The following NT5E variants were observed in gnomAD, a reference collection of about 807,000 sequenced individuals.
NT5E encodes 5'-nucleotidase ecto.
A neutral mutation model predicts 55.1 loss-of-function variants in NT5E; 53 were observed. The ratio of observed to expected loss-of-function variants is 0.96; its 90% CI spans 0.77 to 1.21. NT5E has a LOEUF of 1.21. Among genes scored for constraint, NT5E ranks in the 50% most tolerant of loss-of-function variants. The pLI, the probability that NT5E is intolerant of heterozygous loss-of-function variation, is 0.00. For missense variants in NT5E, 683 were observed against 724.3 expected, an observed-to-expected ratio of 0.94 and a Z score of 0.65; for synonymous variants, 270 against 278.4, an observed-to-expected ratio of 0.97 and a Z score of 0.30.
chr6:85,475,135 T>C (rs1582379320), intron 3 of NT5E, among the ~76,000 whole-genome samples: 1 of 152,358 alleles, frequency 6.6e-6, no homozygotes. Context: ...AATACATCCC[T>C]TGGAATTTTA....
chr6:85,463,152 T>C (rs1338942542), intron 1 of NT5E, among the ~76,000 whole-genome samples: 3 of 152,226 alleles, frequency 2.0e-5, no homozygotes, highest in African/African-American at 7.2e-5. Context: ...GTGGACCAGA[T>C]GCTCACATTG....
At chr6:85,461,855 G>A (rs768344296) in intron 1 of NT5E, among the ~76,000 whole-genome samples, 2 of 151,972 alleles carry the variant, frequency 1.3e-5, no homozygotes, top group African/African-American at 4.8e-5. Context: ...AGAGACTGGG[G>A]GTAACTGCTC....
rs917980360 is a variant in NT5E, at chr6:85,489,577, G to A, written c.1188G>A (p.Ser396=). The A allele has an allele frequency of 2.4e-5, 38 of 1,613,268 alleles. No individual in the cohort carries two copies. The highest frequency in any genetic ancestry group is 3.3e-4 in the Middle Eastern group (2 of 6,080). Residue 396 remains serine, a synonymous_variant, in exon 6 of 9, where the codon TCG becomes TCA. Coordinates refer to ENST00000257770, the MANE Select transcript of NT5E (RefSeq NM_002526.4). ...TTTTAAATGGAGGTGGTATCCGGTCGCCCATTGATGAACGCAACAATGGTA... is the reference window on the plus strand; with the variant it reads ...TTTTAAATGGAGGTGGTATCCGGTCACCCATTGATGAACGCAACAATGGTA... ...MCILNGGGIR[S]PIDERNNGTI... is the part of the protein sequence containing the mutation.
At chr6:85,491,949 G>T (rs760047942) in intron 7 of NT5E, 28 bp from the exon 8 acceptor site, 1 of 1,602,888 alleles carries the variant, frequency 6.2e-7, no homozygotes, top group East Asian at 2.2e-5. Context: ...CTTTGGATCT[G>T]GTGAAAACAG....
chr6:85,457,399 T>C (rs73751208), intron 1 of NT5E, among the ~76,000 whole-genome samples: 157 of 152,336 alleles, frequency 1.0e-3, no homozygotes, highest in African/African-American at 3.6e-3. Context: ...TACTGCATGT[T>C]ACTTCTCAGC....
In NT5E at chr6:85,460,371, C is replaced by T. The variant is rs866992418; in HGVS notation, c.340-6689C>T. Among the ~76,000 whole-genome samples, 8 of 152,256 alleles carry T rather than the reference C, an allele frequency of 5.3e-5. No homozygotes were observed. The South Asian group carries it at 1.0e-3, about 20-fold the overall frequency. Reference sequence around the variant, plus strand: ...GTTACTGTCAATCAACTAGAGATGGCGCTCAAGATAAAATTATTTTCCATC... The same window carrying T: ...GTTACTGTCAATCAACTAGAGATGGTGCTCAAGATAAAATTATTTTCCATC... On this transcript the variant is annotated intron_variant, in intron 1 of 8. Transcript: ENST00000257770.
In NT5E at chr6:85,467,722, C is replaced by T. The variant is rs989188883; in HGVS notation, c.562+440C>T. Reference sequence around the variant, plus strand: ...ACATGTCCAGCTAACTCACCTTTCTCGCTTTTCATTATTCATCTCGTTTTA... The same window carrying T: ...ACATGTCCAGCTAACTCACCTTTCTTGCTTTTCATTATTCATCTCGTTTTA... On this transcript the variant is annotated intron_variant, in intron 2 of 8. Transcript: ENST00000257770. 2.6e-5 allele frequency among the ~76,000 whole-genome samples: 4 copies of T among 152,184 alleles called. No individual in the cohort carries two copies. In the East Asian group the frequency reaches 5.8e-4, roughly 22 times the overall value.
intron 3 of NT5E, among the ~76,000 whole-genome samples, chr6:85,478,510 A>G (rs1769479312): frequency 6.6e-6 from 1 of 152,124 alleles, no homozygotes; most frequent in African/African-American, 2.4e-5. Context: ...GGGGTTTTCG[A>G]AAGTGCTTTA....
In NT5E at chr6:85,450,179, C is replaced by A; in HGVS notation, c.40C>A (p.Leu14Ile). The stretch of plus-strand genomic sequence containing the variant: ...CGCGCGGGCGCCCGCGACGCTACTC[C>A]TCGCCCTGGGCGCGGTGCTGTGGCC... ...RAARAPATLL[L>I]ALGAVLWPAA... The change falls in exon 1 of 9, where the codon CTC (leucine) becomes ATC (isoleucine). Residue 14 changes from leucine to isoleucine, a missense_variant. Leu to Ile is a conservative substitution (Grantham distance 5, BLOSUM62 2). Transcript: ENST00000257770. The surrounding 1 kb of genome is among the most constrained non-coding windows in gnomAD (Gnocchi z 4.0). 2.5e-6 allele frequency: 4 copies of A among 1,605,708 alleles called. No homozygotes were observed. Among genetic ancestry groups the A allele is most frequent in the Non-Finnish European group, 3.4e-6 (4 of 1,177,422 alleles).
intron 3 of NT5E, among the ~76,000 whole-genome samples, chr6:85,480,557 C>G (rs145452322): frequency 6.6e-6 from 1 of 152,158 alleles, no homozygotes; most frequent in Non-Finnish European, 1.5e-5. Context: ...GAAGCAGAGA[C>G]AGCAGCCAGG....
chr6:85,458,243 C>G (rs745699535), intron 1 of NT5E, among the ~76,000 whole-genome samples: 4 of 152,072 alleles, frequency 2.6e-5, no homozygotes, highest in Non-Finnish European at 4.4e-5. Context: ...CAACAACAAC[C>G]AAAAAAGTAA....
intron 1 of NT5E, among the ~76,000 whole-genome samples, chr6:85,457,239 C>G (rs1769007909): frequency 6.6e-6 from 1 of 152,192 alleles, no homozygotes; most frequent in South Asian, 2.1e-4. Context: ...TTGGACTGTA[C>G]AGGGCTGTGG....
At position 85,487,088 on chromosome 6, in the gene NT5E, CTCATA is replaced by C. The variant is rs576401857; in HGVS notation, c.950-246_950-242del. ...CTGTCCCAGGTGGGCCAATGGGTAGCTCATACAGATGTGATGAGCTGGTAGATGTT... is the reference window on the plus strand; with the variant it reads ...CTGTCCCAGGTGGGCCAATGGGTAGCCAGATGTGATGAGCTGGTAGATGTT... On this transcript the variant is annotated intron_variant, in intron 4 of 8. Coordinates refer to ENST00000257770, the MANE Select transcript of NT5E (RefSeq NM_002526.4). 3.8e-3 allele frequency among the ~76,000 whole-genome samples: 579 copies of C among 152,280 alleles called. 2 individuals carry two copies. The highest frequency in any genetic ancestry group is 0.013 in the African/African-American group (552 of 41,552).
intron 2 of NT5E, among the ~76,000 whole-genome samples, chr6:85,470,826 T>A (rs773924787): frequency 4.6e-5 from 7 of 152,244 alleles, no homozygotes; most frequent in Non-Finnish European, 8.8e-5. Context: ...CAGTTTTAAG[T>A]TTGAACACTG....
Position 85,473,593 on chromosome 6 carries a change from A to C in NT5E, c.751+2168A>C, listed in dbSNP as rs1464700676. ...AGACAGGGAGCCAAAACACACAAAC[A>C]TATATGTGTGTGTGCGTTCACATAC... On this transcript the variant is annotated intron_variant, in intron 3 of 8. Transcript: ENST00000257770. 3.3e-5 allele frequency among the ~76,000 whole-genome samples: 5 copies of C among 152,320 alleles called. No homozygotes were observed. The East Asian group carries it at 9.6e-4, about 29-fold the overall frequency.
chr6:85,491,800 G>A (rs1250191886), intron 7 of NT5E, among the ~76,000 whole-genome samples, 177 bp from the exon 8 acceptor site: 2 of 152,150 alleles, frequency 1.3e-5, no homozygotes. Context: ...TGTCCTGTAA[G>A]GACTCAAGGA....
chr6:85,466,998 T>C, intron 1 of NT5E, 62 bp from the exon 2 acceptor site: 3 of 1,457,634 alleles, frequency 2.1e-6, no homozygotes, highest in Non-Finnish European at 2.9e-6. Context: ...TTTTGAGAAA[T>C]ACTGGACTAA....
At chr6:85,472,153 A>C (rs564254731) in intron 3 of NT5E, among the ~76,000 whole-genome samples, 1 of 152,286 alleles carries the variant, frequency 6.6e-6, no homozygotes, top group East Asian at 1.9e-4. Context: ...TAGATCTTTG[A>C]AGTATTCCCA....
chr6:85,473,564 T>C (rs1463345589), intron 3 of NT5E, among the ~76,000 whole-genome samples: 1 of 152,088 alleles, frequency 6.6e-6, no homozygotes, highest in Non-Finnish European at 1.5e-5. Context: ...AAGAAGAACA[T>C]TTTAGACAGG....
Sources: gnomAD v4.1 joint callset for allele counts (sites outside exome capture counted in the v4.1 genomes callset) on GRCh38, gnomAD v4.1.1 for gene constraint, Gnocchi (gnomAD v3.1) non-coding constraint, MANE v1.5 for transcripts, NCBI Gene and HGNC (gene_info 2026-07-23, HGNC 2026-07-21) for gene names.